OPCML: variants seen among roughly 807,000 people sequenced by gnomAD.
OPCML encodes opioid-binding protein/cell adhesion molecule.
OPCML carries 13 observed loss-of-function variants against 37.8 expected under a neutral mutation model. The ratio of observed to expected loss-of-function variants is 0.34; its 90% CI spans 0.22 to 0.55. The LOEUF (loss-of-function observed/expected upper bound fraction) is 0.55, where lower values mean the gene tolerates loss of function less well. Among genes scored for constraint, OPCML ranks in the 20% least tolerant of loss-of-function variants. OPCML has a pLI of 0.91. For missense variants in OPCML, 341 were observed against 435.6 expected, an observed-to-expected ratio of 0.78 and a Z score of 1.93; for synonymous variants, 176 against 168.8, an observed-to-expected ratio of 1.04 and a Z score of -0.33.
chr11:132,638,016 C>A (rs900304284), intron 3 of OPCML, among the ~76,000 whole-genome samples: 4 of 152,062 alleles, frequency 2.6e-5, no homozygotes, highest in Admixed American at 2.6e-4. Context: ...GACTTAGGAA[C>A]TAATATCATA....
intron 2 of OPCML, among the ~76,000 whole-genome samples, chr11:132,744,919 C>T (rs1478998012): frequency 2.6e-5 from 4 of 151,988 alleles, no homozygotes; most frequent in South Asian, 2.1e-4. Context: ...CCTAAATATT[C>T]GGGATATGGC....
intron 4 of OPCML, among the ~76,000 whole-genome samples, chr11:132,500,050 C>A (rs1388700508): frequency 6.6e-6 from 1 of 152,174 alleles, no homozygotes; most frequent in Non-Finnish European, 1.5e-5. Flanking sequence ...TCACCTCATA[C>A]ATCAAATCAG....
intron 1 of OPCML, chr11:133,005,389 T>A (rs1315357562): frequency 1.0e-6 from 1 of 985,328 alleles, no homozygotes; most frequent in Non-Finnish European, 1.2e-6. Flanking sequence ...CAGATATCTG[T>A]CTACATTAAT....
At chr11:133,005,334 A>G (rs1047284933) in intron 1 of OPCML, 27 of 985,278 alleles carry the variant, frequency 2.7e-5, no homozygotes, top group South Asian at 4.7e-5. Flanking sequence ...TGGAAGTAAC[A>G]TGACAGTAAA....
intron 1 of OPCML, among the ~76,000 whole-genome samples, chr11:133,513,380 T>C (rs1044722783): frequency 2.6e-5 from 4 of 152,134 alleles, no homozygotes; most frequent in African/African-American, 9.7e-5. Context: ...AATTTGGAGG[T>C]TGGCTTGGAT....
At chr11:133,114,982 G>A (rs901954211) in intron 1 of OPCML, among the ~76,000 whole-genome samples, 2 of 152,120 alleles carry the variant, frequency 1.3e-5, no homozygotes, top group African/African-American at 2.4e-5. Context: ...TTATCTGTTG[G>A]TATTTTGTGC....
intron 2 of OPCML, among the ~76,000 whole-genome samples, chr11:132,756,478 T>A (rs1894194): frequency 0.15 from 23,539 of 152,182 alleles, 2,494 homozygotes; most frequent in African/African-American, 0.3. Flanking sequence ...CATCAACATC[T>A]TTGCCATGTT....
At chr11:132,529,574 T>G (rs962221767) in intron 3 of OPCML, among the ~76,000 whole-genome samples, 10 of 152,354 alleles carry the variant, frequency 6.6e-5, no homozygotes, top group Admixed American at 4.6e-4. Context: ...TAGGGAGCCC[T>G]GTCCTCAGCC....
chr11:133,287,540 A>G (rs557654739), intron 1 of OPCML, among the ~76,000 whole-genome samples: 153 of 49,414 alleles, frequency 3.1e-3, no homozygotes, highest in African/African-American at 0.02. Context: ...GAATGTTCAG[A>G]AAAAAAAAAA....
chr11:132,517,646 T>G (rs2096283056), intron 4 of OPCML, among the ~76,000 whole-genome samples: 1 of 152,236 alleles, frequency 6.6e-6, no homozygotes, highest in African/African-American at 2.4e-5. Context: ...CTGATTTCAA[T>G]AGCATAATTT....
intron 3 of OPCML, among the ~76,000 whole-genome samples, chr11:132,651,079 C>G (rs1195192319): frequency 6.6e-6 from 1 of 152,234 alleles, no homozygotes; most frequent in Admixed American, 6.5e-5. Context: ...ATCCCAGCAT[C>G]CACCTGCTGC....
intron 2 of OPCML, among the ~76,000 whole-genome samples, chr11:132,816,532 A>G (rs1939649591): frequency 6.6e-6 from 1 of 152,230 alleles, no homozygotes; most frequent in Non-Finnish European, 1.5e-5. Flanking sequence ...TGTGTTATAC[A>G]AAAACAAGAA....
intron 2 of OPCML, among the ~76,000 whole-genome samples, chr11:132,726,784 T>C (rs145890140): frequency 1.3e-5 from 2 of 152,182 alleles, no homozygotes; most frequent in African/African-American, 2.4e-5. Flanking sequence ...GCAAGGCCAT[T>C]TGGGCCTGCT....
chr11:132,893,281 A>C (rs1239447326), intron 2 of OPCML, among the ~76,000 whole-genome samples: 1 of 152,128 alleles, frequency 6.6e-6, no homozygotes, highest in Non-Finnish European at 1.5e-5. Context: ...CAAAACAAAA[A>C]ACCTCCAGGC....
At chr11:132,684,945 C>T (rs959228696) in intron 2 of OPCML, among the ~76,000 whole-genome samples, 1 of 152,196 alleles carries the variant, frequency 6.6e-6, no homozygotes, top group Non-Finnish European at 1.5e-5. Context: ...AAGTCAGCAT[C>T]TCTTCTGTAC....
chr11:133,329,634 T>C (rs1057371773), intron 1 of OPCML, among the ~76,000 whole-genome samples: 4 of 152,174 alleles, frequency 2.6e-5, no homozygotes, highest in South Asian at 2.1e-4. Flanking sequence ...TGGCTAGCCA[T>C]ATGTAGAAAG....
intron 2 of OPCML, among the ~76,000 whole-genome samples, chr11:132,682,696 C>G (rs1442295886): frequency 6.6e-6 from 1 of 152,194 alleles, no homozygotes; most frequent in Admixed American, 6.5e-5. Flanking sequence ...AGGGAGAGAA[C>G]GGAGGACCGA....
At chr11:133,435,479 G>A (rs1046296318) in intron 1 of OPCML, among the ~76,000 whole-genome samples, 5 of 152,174 alleles carry the variant, frequency 3.3e-5, no homozygotes, top group South Asian at 2.1e-4. Context: ...AGTTTACTCA[G>A]GTATTGTCAG....
intron 1 of OPCML, among the ~76,000 whole-genome samples, chr11:133,221,329 A>G (rs1939817606): frequency 6.6e-6 from 1 of 151,996 alleles, no homozygotes; most frequent in Non-Finnish European, 1.5e-5. Flanking sequence ...ATGCTCCCTG[A>G]TCATTTCTGC....
Sources: allele counts gnomAD v4.1 joint callset (sites outside exome capture counted in the v4.1 genomes callset), GRCh38; gene constraint gnomAD v4.1.1; transcripts MANE v1.5; gene names NCBI Gene and HGNC (gene_info 2026-07-23, HGNC 2026-07-21).